The following GSE1 variants were observed in gnomAD, a reference collection of about 807,000 sequenced individuals.
GSE1 encodes genetic suppressor element 1.
A neutral mutation model predicts 112.6 loss-of-function variants in GSE1; 32 were observed. The ratio of observed to expected loss-of-function variants is 0.28; its 90% CI spans 0.21 to 0.38. The LOEUF is 0.38. Ranked by LOEUF, GSE1 falls within the 10% of genes least tolerant of loss-of-function variation. The probability of loss-of-function intolerance (pLI) is 1.00; values close to 1 mark genes in which losing one functional copy is unlikely to be tolerated. For synonymous variants in GSE1, 1,115 were observed against 735.6 expected (o/e 1.52, Z -8.35); for missense variants, 2,348 against 1,699.2 (o/e 1.38, Z -6.71).
intron 1 of GSE1, among the ~76,000 whole-genome samples, chr16:85,331,385 A>ATATATATGTATATATATATG: frequency 2.2e-5 from 3 of 135,860 alleles, no homozygotes; most frequent in East Asian, 4.6e-4. Flanking sequence ...ATATATATGT[A>ATATATATGTATATATATATG]TATATATGTG....
At chr16:85,619,931 C>T (rs1307198331) in intron 1 of GSE1, among the ~76,000 whole-genome samples, 1 of 152,150 alleles carries the variant, frequency 6.6e-6, no homozygotes, top group East Asian at 1.9e-4. Context: ...CCAGCCTCCT[C>T]ACCCAACTCC....
At chr16:85,524,512 G>A (rs889182647) in intron 2 of GSE1, among the ~76,000 whole-genome samples, 2 of 152,162 alleles carry the variant, frequency 1.3e-5, no homozygotes, top group East Asian at 3.9e-4. Context: ...GCAGCCCCTG[G>A]GTCTTGCAGT....
intron 2 of GSE1, among the ~76,000 whole-genome samples, chr16:85,422,454 C>T (rs1257697035): frequency 6.6e-6 from 1 of 152,070 alleles, no homozygotes; most frequent in South Asian, 2.1e-4. Flanking sequence ...AGCCTGGGGC[C>T]CACGCGGGAG....
intron 7 of GSE1, 35 bp from the exon 8 acceptor site, chr16:85,657,242 G>T (rs2052039807): frequency 2.1e-6 from 3 of 1,439,812 alleles, no homozygotes; most frequent in African/African-American, 1.4e-5. Context: ...GGCCCACGTG[G>T]CTGAGATCCT....
chr16:85,416,444 C>G (rs980369082), intron 2 of GSE1, among the ~76,000 whole-genome samples: 1 of 152,070 alleles, frequency 6.6e-6, no homozygotes, highest in Non-Finnish European at 1.5e-5. Flanking sequence ...CGGCTCCTCC[C>G]GAGCAGGTGG....
intron 1 of GSE1, among the ~76,000 whole-genome samples, chr16:85,633,190 A>C (rs1445218641): frequency 6.6e-6 from 1 of 152,168 alleles, no homozygotes; most frequent in Admixed American, 6.5e-5. Flanking sequence ...GTAAGGGGCC[A>C]CAGTGGGGTC....
intron 1 of GSE1, among the ~76,000 whole-genome samples, chr16:85,348,261 C>A (rs2046783388): frequency 6.6e-6 from 1 of 151,810 alleles, no homozygotes; most frequent in African/African-American, 2.4e-5. Context: ...CATCATCCAC[C>A]CACCTGCCCC....
At chr16:85,617,257 C>A (rs1030345729) in intron 1 of GSE1, among the ~76,000 whole-genome samples, 1 of 152,156 alleles carries the variant, frequency 6.6e-6, no homozygotes, top group Non-Finnish European at 1.5e-5. Context: ...GAGCTGCCCC[C>A]GGGAGGCTGG....
intron 1 of GSE1, among the ~76,000 whole-genome samples, chr16:85,623,986 C>G (rs916740400): frequency 6.6e-6 from 1 of 152,180 alleles, no homozygotes; most frequent in Admixed American, 6.5e-5. Context: ...AGGAGACGTC[C>G]TTGGATCCTC....
At chr16:85,233,663 G>A (rs1178228244) in intron 1 of GSE1, among the ~76,000 whole-genome samples, 1 of 152,076 alleles carries the variant, frequency 6.6e-6, no homozygotes, top group South Asian at 2.1e-4. Flanking sequence ...TGTGCGTGTG[G>A]ATGGGTGGTG....
intron 12 of GSE1, 92 bp from the exon 13 acceptor site, chr16:85,665,884 A>C (rs2052810170): frequency 1.6e-6 from 2 of 1,232,178 alleles, no homozygotes; most frequent in Admixed American, 3.6e-5. Context: ...GTCTTTGTTA[A>C]GTGTAAGCTC....
At chr16:85,493,218 G>A (rs1313000615) in intron 2 of GSE1, among the ~76,000 whole-genome samples, 1 of 152,220 alleles carries the variant, frequency 6.6e-6, no homozygotes, top group Non-Finnish European at 1.5e-5. Flanking sequence ...TATTAGCTGA[G>A]GCAGGGGGAT....
intron 3 of GSE1, among the ~76,000 whole-genome samples, chr16:85,652,131 A>G (rs957039411): frequency 3.3e-5 from 5 of 152,178 alleles, no homozygotes; most frequent in African/African-American, 1.2e-4. Context: ...ATGCCCGTGC[A>G]CAGCTGTGCC....
chr16:85,628,556 T>C (rs1276308717), intron 1 of GSE1, among the ~76,000 whole-genome samples: 1 of 152,120 alleles, frequency 6.6e-6, no homozygotes, highest in African/African-American at 2.4e-5. Flanking sequence ...AGGGAAGGGC[T>C]GGGGAGCTGT....
chr16:85,203,194 C>T (rs186705148), intron 1 of GSE1, among the ~76,000 whole-genome samples: 1 of 127,678 alleles, frequency 7.8e-6, no homozygotes, highest in Non-Finnish European at 1.7e-5. Context: ...CCCTTTCCAT[C>T]TTTGCTCCAC....
At chr16:85,474,249 G>A (rs933708468) in intron 2 of GSE1, among the ~76,000 whole-genome samples, 4 of 152,020 alleles carry the variant, frequency 2.6e-5, no homozygotes, top group African/African-American at 7.2e-5. Context: ...AGGGAGAGCC[G>A]GCATCTCAGT....
intron 2 of GSE1, chr16:85,490,725 T>G (rs1249476904): frequency 6.6e-6 from 1 of 152,182 alleles, no homozygotes; most frequent in East Asian, 1.9e-4. Context: ...ACCATGTCCG[T>G]CAATAGAAGA....
At position 85,656,466 on chromosome 16, in the gene GSE1, AGAGAAGGAGCGTGAGCGT is replaced by A. The variant is rs769247889; in HGVS notation, c.1125_1142del (p.Lys379_Glu384del). On this transcript the variant is annotated inframe_deletion, in exon 7 of 16. Transcript: ENST00000253458. Reference sequence around the variant, plus strand: ...GCGAACGCGAGAAGGAGCGCGAGCAAGAGAAGGAGCGTGAGCGTGAGAAGGAGCGCGAGCGCGAGCTGG... The same window carrying A: ...GCGAACGCGAGAAGGAGCGCGAGCAAGAGAAGGAGCGCGAGCGCGAGCTGG... 8.4e-5 allele frequency: 128 copies of A among 1,526,138 alleles called. No individual in the cohort carries two copies. Among genetic ancestry groups the A allele is most frequent in the Non-Finnish European group, 9.7e-5 (109 of 1,125,168 alleles). 94.5% of individuals were successfully genotyped at this position (1,526,138 alleles called of 1,614,324 possible).
chr16:85,567,865 C>T (rs894806329), intron 1 of GSE1, among the ~76,000 whole-genome samples: 6 of 151,982 alleles, frequency 3.9e-5, no homozygotes, highest in Non-Finnish European at 4.4e-5. Context: ...TGGGATCACA[C>T]GTATGCACCA....
Sources: gnomAD v4.1 joint callset for allele counts (sites outside exome capture counted in the v4.1 genomes callset) on GRCh38, gnomAD v4.1.1 for gene constraint, MANE v1.5 for transcripts, NCBI Gene and HGNC (gene_info 2026-07-23, HGNC 2026-07-21) for gene names.